Variants in C12orf42 observed in about 807,000 individuals in gnomAD.
The protein encoded by C12orf42 is chromosome 12 open reading frame 42.
A neutral mutation model predicts 21.6 loss-of-function variants in C12orf42; 25 were observed. That is an observed-to-expected ratio of 1.16 (90% CI 0.84 to 1.62). The LOEUF (loss-of-function observed/expected upper bound fraction) is 1.62. Ranked by LOEUF, C12orf42 falls within the 40% of genes most tolerant of loss-of-function variation. C12orf42 has a pLI of 0.00. For synonymous variants in C12orf42, 174 were observed against 175.0 expected, an observed-to-expected ratio of 0.99 and a Z score of 0.05; for missense variants, 483 against 459.3, an observed-to-expected ratio of 1.05 and a Z score of -0.47.
At chr12:103,347,756 G>A (rs769424882) in intron 4 of C12orf42, among the ~76,000 whole-genome samples, 7 of 152,098 alleles carry the variant, frequency 4.6e-5, no homozygotes, top group Non-Finnish European at 4.4e-5. Flanking sequence ...CATACTCTGC[G>A]AGATTAACAA....
intron 3 of C12orf42, among the ~76,000 whole-genome samples, chr12:103,388,000 T>G (rs1406925365): frequency 6.6e-6 from 1 of 152,158 alleles, no homozygotes; most frequent in Non-Finnish European, 1.5e-5. Flanking sequence ...ACTTACAAGG[T>G]TTAAAATAAT....
the C12orf42 span, among the ~76,000 whole-genome samples, chr12:103,180,554 T>A: frequency 6.8e-6 from 1 of 147,550 alleles, no homozygotes; most frequent in Admixed American, 6.7e-5. Flanking sequence ...GACTCACACC[T>A]TCTGTGATAT....
At chr12:103,160,302 C>G in the C12orf42 span, among the ~76,000 whole-genome samples, 1 of 152,124 alleles carries the variant, frequency 6.6e-6, no homozygotes, top group Non-Finnish European at 1.5e-5. Context: ...GCAAAACTAC[C>G]AAGTGCTATT....
At chr12:103,349,395 T>A (rs1279390485) in intron 4 of C12orf42, 1 of 152,062 alleles carries the variant, frequency 6.6e-6, no homozygotes, top group Non-Finnish European at 1.5e-5. Flanking sequence ...CCTAGGAAAT[T>A]TCGGAGTTCC....
the C12orf42 span, among the ~76,000 whole-genome samples, chr12:103,109,201 G>A: frequency 2.0e-5 from 3 of 152,144 alleles, no homozygotes; most frequent in African/African-American, 7.2e-5. Flanking sequence ...TTATTATAAA[G>A]CTAGATTAAT....
the C12orf42 span, among the ~76,000 whole-genome samples, chr12:103,091,307 G>C: frequency 6.6e-6 from 1 of 151,318 alleles, no homozygotes; most frequent in East Asian, 1.9e-4. Context: ...CGATTATCCT[G>C]TTCATTGAAC....
chr12:103,461,121 T>G (rs1565866539), intron 2 of C12orf42, among the ~76,000 whole-genome samples: 1 of 152,206 alleles, frequency 6.6e-6, no homozygotes, highest in Non-Finnish European at 1.5e-5. Context: ...GAATAAAAAT[T>G]TTTGGACCCC....
At chr12:103,269,123 T>C (rs537978036) in intron 6 of C12orf42, among the ~76,000 whole-genome samples, 1 of 152,284 alleles carries the variant, frequency 6.6e-6, no homozygotes, top group African/African-American at 2.4e-5. Flanking sequence ...ATTATCTTTG[T>C]AGTGTTTTAA....
the C12orf42 span, among the ~76,000 whole-genome samples, chr12:103,539,451 C>G: frequency 5.3e-5 from 8 of 152,068 alleles, no homozygotes; most frequent in African/African-American, 1.9e-4. Flanking sequence ...CTGTGTGTTT[C>G]CCCAGTTCTG....
At chr12:103,156,502 A>G in the C12orf42 span, among the ~76,000 whole-genome samples, 3 of 152,158 alleles carry the variant, frequency 2.0e-5, no homozygotes, top group Non-Finnish European at 4.4e-5. Flanking sequence ...TCCAATAAAA[A>G]GTGAATTTTT....
At chr12:103,233,720 G>C (rs2033378178), downstream of C12orf42, among the ~76,000 whole-genome samples, 1 of 152,068 alleles carries the variant, frequency 6.6e-6, no homozygotes, top group South Asian at 2.1e-4. Context: ...AGGGGTTTTT[G>C]TCCAGGAACT....
chr12:103,183,564 T>G, the C12orf42 span, among the ~76,000 whole-genome samples: 1 of 152,166 alleles, frequency 6.6e-6, no homozygotes, highest in Non-Finnish European at 1.5e-5. Context: ...ATTTTTTATT[T>G]TATTGGTTTC....
chr12:103,138,487 C>T, the C12orf42 span, among the ~76,000 whole-genome samples: 3 of 152,146 alleles, frequency 2.0e-5, no homozygotes, highest in Admixed American at 1.3e-4. Flanking sequence ...TTTCTTGAGG[C>T]CTCCTAGCCA....
At chr12:103,495,856 C>T (rs1038716931) in intron 1 of C12orf42, 46 bp downstream of exon 1, 3 of 152,296 alleles carry the variant, frequency 2.0e-5, no homozygotes, top group African/African-American at 7.2e-5. Flanking sequence ...CGGTCCGGCT[C>T]TACCTCACCC....
the C12orf42 span, among the ~76,000 whole-genome samples, chr12:103,520,352 C>T: frequency 0.058 from 8,759 of 152,052 alleles, 844 homozygotes; most frequent in African/African-American, 0.2. Context: ...TAAATGTAAC[C>T]TTATAATATA....
chr12:103,155,671 T>TATACACACATATGTATATATACACATAC, the C12orf42 span, among the ~76,000 whole-genome samples: 3 of 149,018 alleles, frequency 2.0e-5, no homozygotes, highest in South Asian at 4.2e-4. Flanking sequence ...TATACATATA[T>TATACACACATATGTATATATACACATAC]ATACATACAT....
chr12:103,069,122 T>C, the C12orf42 span, among the ~76,000 whole-genome samples: 1 of 151,074 alleles, frequency 6.6e-6, no homozygotes, highest in African/African-American at 2.4e-5. Flanking sequence ...ATTTTACTAA[T>C]CCTCTTTTCT....
At chr12:103,150,705 T>C in the C12orf42 span, among the ~76,000 whole-genome samples, 1 of 152,190 alleles carries the variant, frequency 6.6e-6, no homozygotes, top group Non-Finnish European at 1.5e-5. Flanking sequence ...TAGTTTTTGT[T>C]TCTACTGAGA....
At chr12:103,236,075 C>A (rs2033457707), downstream of C12orf42, among the ~76,000 whole-genome samples, 1 of 151,854 alleles carries the variant, frequency 6.6e-6, no homozygotes. Flanking sequence ...CCATATTTTC[C>A]AAATGTTTTA....
Sources: gnomAD v4.1 joint callset for allele counts (sites outside exome capture counted in the v4.1 genomes callset) on GRCh38, gnomAD v4.1.1 for gene constraint, MANE v1.5 for transcripts, NCBI Gene and HGNC (gene_info 2026-07-23, HGNC 2026-07-21) for gene names.